Variants in ERBB4 observed in about 807,000 individuals in gnomAD.
The protein encoded by ERBB4 is receptor tyrosine-protein kinase erbB-4.
Under a neutral mutation model 158.0 loss-of-function variants are expected in ERBB4, and 42 were observed. The ratio of observed to expected loss-of-function variants is 0.27; its 90% CI spans 0.21 to 0.34. The LOEUF is 0.34. Among genes scored for constraint, ERBB4 ranks in the 10% least tolerant of loss-of-function variants. The pLI, the probability that ERBB4 is intolerant of heterozygous loss-of-function variation, is 1.00. For missense variants in ERBB4, 1,333 were observed against 1,624.1 expected, an observed-to-expected ratio of 0.82 and a Z score of 3.08; for synonymous variants, 583 against 558.7, an observed-to-expected ratio of 1.04 and a Z score of -0.61.
At chr2:212,458,009 T>C (rs1688385737) in intron 1 of ERBB4, among the ~76,000 whole-genome samples, 1 of 152,086 alleles carries the variant, frequency 6.6e-6, no homozygotes, top group South Asian at 2.1e-4. Flanking sequence ...AATAATGTTC[T>C]TCTATTGTAT....
chr2:212,350,977 T>C (rs895034744), intron 1 of ERBB4, among the ~76,000 whole-genome samples: 1 of 152,134 alleles, frequency 6.6e-6, no homozygotes, highest in Non-Finnish European at 1.5e-5. Context: ...AGGGAAGGGC[T>C]ATTATTATCA....
At chr2:211,634,366 A>G (rs1259882476) in intron 16 of ERBB4, among the ~76,000 whole-genome samples, 1 of 152,118 alleles carries the variant, frequency 6.6e-6, no homozygotes, top group Admixed American at 6.6e-5. Flanking sequence ...ACATTTGATT[A>G]CTATTATGTT....
intron 1 of ERBB4, among the ~76,000 whole-genome samples, chr2:212,477,974 C>T (rs1309358753): frequency 6.6e-6 from 1 of 152,064 alleles, no homozygotes; most frequent in Non-Finnish European, 1.5e-5. Flanking sequence ...TAGAAATAAT[C>T]TTATTGGGCT....
intron 23 of ERBB4, among the ~76,000 whole-genome samples, chr2:211,423,893 T>C (rs959769152): frequency 1.3e-5 from 2 of 151,958 alleles, no homozygotes; most frequent in South Asian, 4.1e-4. Flanking sequence ...TTATTGTGAC[T>C]AATTACCTCT....
At chr2:211,844,885 T>C (rs372922334) in intron 3 of ERBB4, among the ~76,000 whole-genome samples, 1 of 152,278 alleles carries the variant, frequency 6.6e-6, no homozygotes, top group African/African-American at 2.4e-5. Flanking sequence ...ACATCTTTTA[T>C]AGACTAATTT....
chr2:211,978,396 G>GTCTGTCTTTCTA (rs77259627), intron 2 of ERBB4, among the ~76,000 whole-genome samples: 1 of 136,560 alleles, frequency 7.3e-6, no homozygotes, highest in Non-Finnish European at 1.6e-5. Flanking sequence ...CTGTCTGTCT[G>GTCTGTCTTTCTA]TCTATCTATC....
chr2:212,150,998 C>T (rs1444804806), intron 1 of ERBB4, among the ~76,000 whole-genome samples: 3 of 152,002 alleles, frequency 2.0e-5, no homozygotes, highest in East Asian at 1.9e-4. Flanking sequence ...TTCCATAACT[C>T]GGTACCCACC....
At chr2:211,807,371 C>A (rs576784946) in intron 3 of ERBB4, among the ~76,000 whole-genome samples, 3 of 152,220 alleles carry the variant, frequency 2.0e-5, no homozygotes, top group Non-Finnish European at 2.9e-5. Flanking sequence ...TCAGTTCCCA[C>A]CTATGATTGA....
chr2:212,356,925 A>T (rs906265571), intron 1 of ERBB4, among the ~76,000 whole-genome samples: 3 of 152,068 alleles, frequency 2.0e-5, no homozygotes, highest in Middle Eastern at 3.4e-3. Context: ...TAAACTCTAG[A>T]TCATATCAAT....
At chr2:211,397,041 G>A (rs1226487127) in intron 25 of ERBB4, among the ~76,000 whole-genome samples, 1 of 152,144 alleles carries the variant, frequency 6.6e-6, no homozygotes, top group Non-Finnish European at 1.5e-5. Context: ...TCAGCCCAGA[G>A]CAAACACTAG....
rs796650662 is a variant in ERBB4, at chr2:211,947,344, G to A, written c.421+86C>T. 12 of 1,113,352 alleles carry A rather than the reference G, an allele frequency of 1.1e-5. No homozygotes were observed. The African/African-American group carries it at 1.4e-4, about 13-fold the overall frequency. The allele number at this position is 1,113,352 out of a possible 1,614,324, so 69.0% of individuals were successfully genotyped here. On this transcript the variant is annotated intron_variant, in intron 3 of 27. Coordinates refer to ENST00000342788, the MANE Select transcript of ERBB4 (RefSeq NM_005235.3). ...TAAATGCCTTAGAGTGTTCCTCAAT[G>A]TAACAAATATGACAGTAACCCTACA...
intron 4 of ERBB4, among the ~76,000 whole-genome samples, chr2:211,755,785 C>A (rs7419259): frequency 0.31 from 46,394 of 151,996 alleles, 7,241 homozygotes; most frequent in South Asian, 0.44. Flanking sequence ...TGACCACCTG[C>A]ATGTGGGATT....
At chr2:211,728,702 C>T (rs1380748876) in intron 5 of ERBB4, among the ~76,000 whole-genome samples, 1 of 151,806 alleles carries the variant, frequency 6.6e-6, no homozygotes, top group Non-Finnish European at 1.5e-5. Context: ...AGCTATTGCT[C>T]AGCTGGAAAA....
Position 211,588,401 on chromosome 2 carries a change from A to C in ERBB4, c.2302-26313T>G, listed in dbSNP as rs566065858. On this transcript the variant is annotated intron_variant, in intron 19 of 27. Coordinates refer to ENST00000342788, the MANE Select transcript of ERBB4 (RefSeq NM_005235.3). ...ACGAGCAAACATAAATGCTTGGAACAAATGAGGATACGCTTTCAAATCCAA... is the reference window on the plus strand; with the variant it reads ...ACGAGCAAACATAAATGCTTGGAACCAATGAGGATACGCTTTCAAATCCAA... Among the ~76,000 whole-genome samples, 173 of 152,308 alleles carry C rather than the reference A, an allele frequency of 1.1e-3. 1 individual carries two copies. The highest frequency in any genetic ancestry group is 3.9e-3 in the African/African-American group (164 of 41,580).
intron 1 of ERBB4, among the ~76,000 whole-genome samples, chr2:212,520,732 C>A (rs1202827507): frequency 6.6e-6 from 1 of 151,914 alleles, no homozygotes; most frequent in African/African-American, 2.4e-5. Flanking sequence ...AATTCTAACC[C>A]ACGGACTGTA....
intron 2 of ERBB4, among the ~76,000 whole-genome samples, chr2:212,084,032 C>T (rs1323219057): frequency 6.6e-6 from 1 of 151,324 alleles, no homozygotes; most frequent in Non-Finnish European, 1.5e-5. Context: ...TAGGGAATAT[C>T]ATCTACACAA....
At chr2:212,030,379 A>G (rs569949238) in intron 2 of ERBB4, among the ~76,000 whole-genome samples, 1 of 152,226 alleles carries the variant, frequency 6.6e-6, no homozygotes, top group East Asian at 1.9e-4. Context: ...TTCTTGCTGC[A>G]ATATAAAGTT....
At chr2:212,213,067 T>G (rs2082988514) in intron 1 of ERBB4, among the ~76,000 whole-genome samples, 1 of 151,776 alleles carries the variant, frequency 6.6e-6, no homozygotes, top group African/African-American at 2.4e-5. Flanking sequence ...AATTGACAAA[T>G]GGGATCTAAT....
chr2:212,191,803 ATAT>A (rs1456734574), intron 1 of ERBB4, among the ~76,000 whole-genome samples: 1 of 138,044 alleles, frequency 7.2e-6, no homozygotes, highest in Non-Finnish European at 1.6e-5. Flanking sequence ...TATATGTTAT[ATAT>A]AATACATGTT....
Sources: allele counts gnomAD v4.1 joint callset (sites outside exome capture counted in the v4.1 genomes callset), GRCh38; gene constraint gnomAD v4.1.1; transcripts MANE v1.5; gene names NCBI Gene and HGNC (gene_info 2026-07-23, HGNC 2026-07-21).